The following MCF2L2 variants were observed in gnomAD, a reference collection of about 807,000 sequenced individuals.
MCF2L2 encodes the protein MCF.2 cell line derived transforming sequence-like 2.
Under a neutral mutation model 150.2 loss-of-function variants are expected in MCF2L2, and 102 were observed. The observed-to-expected ratio is 0.68, with a 90% confidence interval of 0.58 to 0.80. The LOEUF is 0.80. MCF2L2 is among the 30% of genes least tolerant of loss of function. MCF2L2 has a pLI of 0.00. For synonymous variants in MCF2L2, 465 were observed against 491.3 expected (o/e 0.95, Z 0.71); for missense variants, 1,256 against 1,372.8 (o/e 0.91, Z 1.34).
rs1056921951 is a variant in MCF2L2 at position 183,179,957 on chromosome 3, T to C, written c.3105+114A>G. 1 of 914,406 alleles carries C rather than the reference T, an allele frequency of 1.1e-6. No individual in the cohort carries two copies. The highest frequency in any genetic ancestry group is 1.9e-5 in the Admixed American group (1 of 51,826). The allele number at this position is 914,406 out of a possible 1,614,324, so 56.6% of individuals were successfully genotyped here. On this transcript the variant is annotated intron_variant, in intron 28 of 29. Coordinates refer to ENST00000328913, the MANE Select transcript of MCF2L2 (RefSeq NM_015078.4). The surrounding 1 kb of genome is among the most constrained non-coding windows in gnomAD (Gnocchi z 4.2). ...GCTCCCTGGCTTAACCAGGTCCTTA[T>C]GGGTGAGAATCCTGAGGAGGGGGAG...
At chr3:183,189,279 C>G (rs894773910) in intron 27 of MCF2L2, among the ~76,000 whole-genome samples, 2 of 152,226 alleles carry the variant, frequency 1.3e-5, no homozygotes, top group African/African-American at 2.4e-5. Context: ...TATGCACCTT[C>G]TTTAGGGGGC....
chr3:183,400,048 T>G (rs1714658705), intron 1 of MCF2L2, among the ~76,000 whole-genome samples: 1 of 152,216 alleles, frequency 6.6e-6, no homozygotes, highest in Non-Finnish European at 1.5e-5. Flanking sequence ...TGCAGACATA[T>G]GTAGGCTTTC....
intron 3 of MCF2L2, among the ~76,000 whole-genome samples, chr3:183,355,591 C>T (rs1018674990): frequency 6.0e-5 from 9 of 148,958 alleles, no homozygotes; most frequent in South Asian, 2.1e-4. Flanking sequence ...GGACTACAGG[C>T]GCCCGCCACC....
chr3:183,311,227 T>C (rs1478429480), intron 8 of MCF2L2, among the ~76,000 whole-genome samples, 198 bp from the exon 9 acceptor site: 1 of 152,200 alleles, frequency 6.6e-6, no homozygotes, highest in African/African-American at 2.4e-5. Flanking sequence ...AATCAGGACA[T>C]CCACAGTGCA....
chr3:183,230,488 A>T (rs947632115), intron 16 of MCF2L2, among the ~76,000 whole-genome samples: 7 of 152,182 alleles, frequency 4.6e-5, no homozygotes, highest in Admixed American at 2.0e-4. Flanking sequence ...TTCCCTTTTT[A>T]TGGACATTTG....
At chr3:183,258,726 C>T (rs1274932750) in intron 15 of MCF2L2, among the ~76,000 whole-genome samples, 1 of 152,016 alleles carries the variant, frequency 6.6e-6, no homozygotes, top group Non-Finnish European at 1.5e-5. Flanking sequence ...GCAATATTCC[C>T]ATGTACTCTT....
At chr3:183,295,574 C>G (rs1311660886) in intron 12 of MCF2L2, 97 bp from the exon 13 acceptor site, 5 of 1,203,074 alleles carry the variant, frequency 4.2e-6, no homozygotes, top group Non-Finnish European at 6.0e-6. Flanking sequence ...CTACTCCCCC[C>G]ATCCCTACCT....
intron 15 of MCF2L2, among the ~76,000 whole-genome samples, chr3:183,252,561 G>T (rs959481136): frequency 6.6e-6 from 1 of 152,144 alleles, no homozygotes; most frequent in Admixed American, 6.5e-5. Flanking sequence ...TGTTGGCCAC[G>T]CTGGTCTCTA....
chr3:183,221,945 A>G (rs1723164592), intron 20 of MCF2L2, among the ~76,000 whole-genome samples: 1 of 152,220 alleles, frequency 6.6e-6, no homozygotes, highest in Admixed American at 6.5e-5. Flanking sequence ...CCAAGAGGGC[A>G]AGGTCTCATA....
chr3:183,216,421 A>G (rs1468503716), intron 21 of MCF2L2, among the ~76,000 whole-genome samples: 1 of 142,262 alleles, frequency 7.0e-6, no homozygotes, highest in Non-Finnish European at 1.5e-5. Flanking sequence ...TCTTATGTGT[A>G]TATATATTAT....
chr3:183,225,142 A>T (rs183367006), intron 18 of MCF2L2: 5 of 152,446 alleles, frequency 3.3e-5, no homozygotes, highest in Admixed American at 2.6e-4. Flanking sequence ...TCTCAGCTTC[A>T]ATGATGCCTG....
intron 27 of MCF2L2, among the ~76,000 whole-genome samples, chr3:183,189,955 C>T (rs1042844416): frequency 2.6e-5 from 4 of 151,992 alleles, no homozygotes; most frequent in Non-Finnish European, 1.5e-5. Context: ...GAGAATTCTT[C>T]CTTCTCTCAA....
chr3:183,185,581 CATT>C (rs1229401749), intron 27 of MCF2L2, among the ~76,000 whole-genome samples: 2 of 152,214 alleles, frequency 1.3e-5, no homozygotes, highest in African/African-American at 4.8e-5. Flanking sequence ...AGCCCTTCAT[CATT>C]GTGTTGTGTG....
At chr3:183,416,983 G>A (rs904707795) in intron 1 of MCF2L2, among the ~76,000 whole-genome samples, 28 of 151,206 alleles carry the variant, frequency 1.9e-4, no homozygotes, top group Admixed American at 2.0e-4. Context: ...GTGGTGGGGC[G>A]TGCCTGTAAT....
rs543934913 is a variant in MCF2L2, at chr3:183,335,788, G to C, written c.486+3012C>G. On this transcript the variant is annotated intron_variant, in intron 5 of 29. Transcript: ENST00000328913. ...CCAGGATGATCGCTCAAGCCCAGAA[G>C]TTCGAGGCTGCAGTGAGCTATGATC... is the stretch of plus-strand genomic sequence containing the variant. Among the ~76,000 whole-genome samples, 4 of 152,286 alleles carry C rather than the reference G, an allele frequency of 2.6e-5. No individual in the cohort carries two copies. The East Asian group carries it at 5.8e-4, about 22-fold the overall frequency.
chr3:183,216,391 A>G (rs1022499859), intron 21 of MCF2L2, among the ~76,000 whole-genome samples: 2 of 145,224 alleles, frequency 1.4e-5, no homozygotes, highest in South Asian at 2.1e-4. Context: ...ATTCAGCTAT[A>G]TAGCTGAATT....
chr3:183,321,746 T>C (rs1213496444), intron 6 of MCF2L2, among the ~76,000 whole-genome samples: 2 of 152,250 alleles, frequency 1.3e-5, no homozygotes, highest in East Asian at 1.9e-4. Flanking sequence ...TCAATACTAG[T>C]TGTATTTTTT....
intron 21 of MCF2L2, 42 bp from the exon 22 acceptor site, chr3:183,216,136 A>G (rs759881578): frequency 6.2e-7 from 1 of 1,604,678 alleles, no homozygotes. Context: ...AAAGTATACC[A>G]TCTGCAAAGT....
Position 183,179,464 on chromosome 3 carries a change from G to A in MCF2L2, c.3261C>T (p.Ser1087=), listed in dbSNP as rs1376866441. The A allele has an allele frequency of 1.3e-6, 2 of 1,599,350 alleles. No individual in the cohort carries two copies. Among genetic ancestry groups the A allele is most frequent in the East Asian group, 4.5e-5 (2 of 44,560 alleles). ...RSTEEERAGA[S]TGRLAPAGAT... The stretch of plus-strand genomic sequence containing the variant: ...CCCCCGCAGGAGCCAGCCGGCCCGT[G>A]GACGCCCCAGCGCGCTCCTCCTCGG... Residue 1087 remains serine (S), a synonymous_variant, in exon 30 of 30, where the codon TCC becomes TCT. Transcript: ENST00000328913. This position sits in a 1 kb window ranked among gnomAD's most constrained non-coding sequence, Gnocchi z 4.2.
Sources: allele counts gnomAD v4.1 joint callset (sites outside exome capture counted in the v4.1 genomes callset), GRCh38; gene constraint gnomAD v4.1.1; non-coding constraint Gnocchi (gnomAD v3.1); transcripts MANE v1.5; gene names NCBI Gene and HGNC (gene_info 2026-07-23, HGNC 2026-07-21).